The following STRBP variants were observed in gnomAD, a reference collection of about 807,000 sequenced individuals.
The protein encoded by STRBP is spermatid perinuclear RNA-binding protein.
STRBP carries 13 observed loss-of-function variants against 80.1 expected under a neutral mutation model. That is an observed-to-expected ratio of 0.16 (90% CI 0.11 to 0.26). The LOEUF (loss-of-function observed/expected upper bound fraction) is 0.26, where lower values mean the gene tolerates loss of function less well. Among genes scored for constraint, STRBP ranks in the 10% least tolerant of loss-of-function variants. The pLI is 1.00. For missense variants in STRBP, 485 were observed against 815.2 expected (o/e 0.59, Z 4.93); for synonymous variants, 284 against 291.2 (o/e 0.98, Z 0.25).
At chr9:123,130,333 TGTCTC>T (rs2036081335) in intron 17 of STRBP, among the ~76,000 whole-genome samples, 1 of 152,208 alleles carries the variant, frequency 6.6e-6, no homozygotes, top group African/African-American at 2.4e-5. Context: ...ATCTGAATCT[TGTCTC>T]GGCCATAAAA....
At chr9:123,238,625 AAG>A (rs937734710) in intron 1 of STRBP, among the ~76,000 whole-genome samples, 2 of 152,324 alleles carry the variant, frequency 1.3e-5, no homozygotes, top group African/African-American at 4.8e-5. Context: ...TTTCAAAACA[AAG>A]AGTCATCCTA....
chr9:123,240,303 T>TAC (rs1588146703), intron 1 of STRBP, among the ~76,000 whole-genome samples: 4 of 144,180 alleles, frequency 2.8e-5, no homozygotes, highest in African/African-American at 8.3e-5. Flanking sequence ...ACCATTATAT[T>TAC]ATTATGTATA....
chr9:123,125,522 G>A lies in STRBP; in HGVS notation c.*75C>T, dbSNP rs1340079502. ...TCAAGTATGTGTTCAAAGAAAGCAG[G>A]ATAAAAAGGCTTTTTCTCTAACATT... is the stretch of plus-strand genomic sequence containing the variant. On this transcript the variant is annotated 3_prime_UTR_variant, in exon 19 of 19. Transcript: ENST00000348403. 3 of 1,411,792 alleles carry A rather than the reference G, an allele frequency of 2.1e-6. No homozygotes were observed. The highest frequency in any genetic ancestry group is 2.8e-6 in the Non-Finnish European group (3 of 1,075,168). The allele number at this position is 1,411,792 out of a possible 1,614,324, so 87.5% of individuals were successfully genotyped here.
chr9:123,229,210 G>A (rs577510752), intron 2 of STRBP, among the ~76,000 whole-genome samples: 38 of 152,252 alleles, frequency 2.5e-4, no homozygotes, highest in Admixed American at 1.6e-3. Context: ...GCCACTAAGG[G>A]GTACAGAGTT....
At chr9:123,191,572 A>T (rs926073124) in intron 2 of STRBP, among the ~76,000 whole-genome samples, 1 of 152,328 alleles carries the variant, frequency 6.6e-6, no homozygotes, top group Admixed American at 6.5e-5. Context: ...AAATGTAGCC[A>T]TACATGATAT....
rs1232582157 is a variant in STRBP, at chr9:123,124,297, G to C, written c.*1300C>G. 3.0e-6 allele frequency: 3 copies of C among 985,310 alleles called. No individual in the cohort carries two copies. Among genetic ancestry groups the C allele is most frequent in the Non-Finnish European group, 3.6e-6 (3 of 829,944 alleles). 61.0% of individuals were successfully genotyped at this position (985,310 alleles called of 1,614,324 possible). ...AATATTGACAGGGGACCACACTGCT[G>C]CTCCTTCATGGGGGTGAGTACCTTA... On this transcript the variant is annotated 3_prime_UTR_variant, in exon 19 of 19. Coordinates refer to ENST00000348403, the MANE Select transcript of STRBP (RefSeq NM_018387.5).
At chr9:123,206,583 T>C (rs1489860174) in intron 2 of STRBP, among the ~76,000 whole-genome samples, 1 of 152,212 alleles carries the variant, frequency 6.6e-6, no homozygotes, top group Non-Finnish European at 1.5e-5. Flanking sequence ...ACTGGGGTTC[T>C]TGCTACTTGT....
chr9:123,237,728 T>C (rs1009746519), intron 1 of STRBP, among the ~76,000 whole-genome samples: 5 of 152,174 alleles, frequency 3.3e-5, no homozygotes, highest in African/African-American at 1.2e-4. Flanking sequence ...CAGGGCTCTA[T>C]TTCAGCAACT....
At chr9:123,267,355 C>A (rs907500927) in intron 1 of STRBP, among the ~76,000 whole-genome samples, 8 of 151,946 alleles carry the variant, frequency 5.3e-5, no homozygotes, top group African/African-American at 1.7e-4. Context: ...TGCTCTCCAT[C>A]CCCATCACCC....
rs1588447990 is a variant in STRBP, at chr9:123,128,358, G to A, written c.1898-100C>T. Reference sequence around the variant, plus strand: ...CCTGCTCAGCACCCTGGGCCCGGAGGACTTCTTCCAGATGTTGGATGAATG... The same window carrying A: ...CCTGCTCAGCACCCTGGGCCCGGAGAACTTCTTCCAGATGTTGGATGAATG... On this transcript the variant is annotated intron_variant, in intron 17 of 18. Transcript: ENST00000348403. The A allele has an allele frequency of 3.0e-6, 4 of 1,344,470 alleles. No homozygotes were observed. The East Asian group carries it at 9.2e-5, about 31-fold the overall frequency. 83.3% of individuals were successfully genotyped at this position (1,344,470 alleles called of 1,614,324 possible). A position where few individuals can be genotyped will look rare whatever the true frequency, so the allele number is the denominator to read the frequency against.
intron 2 of STRBP, among the ~76,000 whole-genome samples, chr9:123,232,240 G>A (rs1050341954): frequency 7.9e-5 from 12 of 152,258 alleles, no homozygotes; most frequent in African/African-American, 2.9e-4. Flanking sequence ...TGAACCAGGA[G>A]GCGGAGGTTG....
chr9:123,195,775 A>C (rs1442215698), intron 2 of STRBP, among the ~76,000 whole-genome samples: 1 of 152,220 alleles, frequency 6.6e-6, no homozygotes, highest in Non-Finnish European at 1.5e-5. Context: ...ATACCATCCA[A>C]AGCAATCTAC....
intron 11 of STRBP, among the ~76,000 whole-genome samples, chr9:123,148,130 T>C (rs1224954502): frequency 6.6e-6 from 1 of 152,230 alleles, no homozygotes; most frequent in African/African-American, 2.4e-5. Context: ...TCTATGTCTA[T>C]GATATGGTCT....
chr9:123,210,937 G>A (rs1374313761), intron 2 of STRBP, among the ~76,000 whole-genome samples: 1 of 152,128 alleles, frequency 6.6e-6, no homozygotes, highest in East Asian at 1.9e-4. Context: ...TGGAAAAAAT[G>A]TGGACCCACA....
chr9:123,134,767 T>G (rs766908180), intron 16 of STRBP, among the ~76,000 whole-genome samples: 1 of 152,098 alleles, frequency 6.6e-6, no homozygotes, highest in Non-Finnish European at 1.5e-5. Context: ...TAAAATTAAC[T>G]GACCAAACAT....
At chr9:123,221,751 A>G (rs1467329857) in intron 2 of STRBP, among the ~76,000 whole-genome samples, 5 of 152,330 alleles carry the variant, frequency 3.3e-5, no homozygotes, top group Admixed American at 3.3e-4. Context: ...ATTTAAACAA[A>G]GGTGATGGTG....
At chr9:123,151,142 G>A (rs1412742797) in intron 11 of STRBP, among the ~76,000 whole-genome samples, 1 of 152,006 alleles carries the variant, frequency 6.6e-6, no homozygotes, top group African/African-American at 2.4e-5. Context: ...CCAGATGATG[G>A]ACCTTTCAAA....
At chr9:123,134,841 A>G (rs886088394) in intron 16 of STRBP, among the ~76,000 whole-genome samples, 1 of 152,232 alleles carries the variant, frequency 6.6e-6, no homozygotes, top group Admixed American at 6.5e-5. Context: ...TCTTTCAACT[A>G]ATTTAGAACA....
intron 2 of STRBP, 24 bp from the exon 3 acceptor site, chr9:123,184,322 T>G (rs571441602): frequency 1.3e-5 from 6 of 466,560 alleles, no homozygotes; most frequent in Non-Finnish European, 1.9e-5. Flanking sequence ...GGAAAACAAC[T>G]TCAAAAATGC....
Sources: gnomAD v4.1 joint callset for allele counts (sites outside exome capture counted in the v4.1 genomes callset) on GRCh38, gnomAD v4.1.1 for gene constraint, MANE v1.5 for transcripts, NCBI Gene and HGNC (gene_info 2026-07-23, HGNC 2026-07-21) for gene names.